SLC43A1: variants seen among roughly 807,000 people sequenced by gnomAD.
SLC43A1 encodes large neutral amino acids transporter small subunit 3.
In SLC43A1, 31 loss-of-function variants were observed where a neutral mutation model predicts 59.5. That is an observed-to-expected ratio of 0.52 (90% CI 0.39 to 0.70). SLC43A1 has a LOEUF of 0.70. Ranked by LOEUF, SLC43A1 falls within the 30% of genes least tolerant of loss-of-function variation. SLC43A1 has a pLI of 0.00. For synonymous variants in SLC43A1, 259 were observed against 290.9 expected (o/e 0.89, Z 1.12); for missense variants, 598 against 717.8 (o/e 0.83, Z 1.91).
In SLC43A1 at chr11:57,514,220, G is replaced by T. The variant is rs1944624290; in HGVS notation, c.-13-96C>A. The T allele has an allele frequency of 2.2e-6, 3 of 1,386,850 alleles. No homozygotes were observed. The highest frequency in any genetic ancestry group is 1.9e-6 in the Non-Finnish European group (2 of 1,053,590). The allele number at this position is 1,386,850 out of a possible 1,614,324, so 85.9% of individuals were successfully genotyped here. A position where few individuals can be genotyped will look rare whatever the true frequency, so the allele number is the denominator to read the frequency against. The stretch of plus-strand genomic sequence containing the variant: ...CACCCGAGACCTCTCGGGCCAGCCC[G>T]CGAGGAGCCCCTCATGGAGGCCCCA... On this transcript the variant is annotated intron_variant, in intron 1 of 14. Coordinates refer to ENST00000278426, the MANE Select transcript of SLC43A1 (RefSeq NM_003627.6). The surrounding 1 kb of genome is among the most constrained non-coding windows in gnomAD (Gnocchi z 5.5).
At position 57,487,088 on chromosome 11, in the gene SLC43A1, C is replaced by T. The variant is rs1394432237; in HGVS notation, c.1533+7G>A. 6.2e-7 allele frequency: 1 copy of T among 1,613,706 alleles called. No homozygotes were observed. Reference sequence around the variant, plus strand: ...CCTGCTCCCCCCACACCAACCCTCGCTCTCACCCAGAAGGGCTCTCCTTTC... The same window carrying T: ...CCTGCTCCCCCCACACCAACCCTCGTTCTCACCCAGAAGGGCTCTCCTTTC... On this transcript the variant is annotated splice_region_variant and intron_variant, in intron 14 of 14. Transcript: ENST00000278426.
chr11:57,513,923 T>C (rs1944614266), intron 2 of SLC43A1, 35 bp downstream of exon 2: 19 of 1,162,090 alleles, frequency 1.6e-5, no homozygotes, highest in Admixed American at 2.0e-5. Flanking sequence ...TTGCCATCCC[T>C]CCCCCCAGCC....
chr11:57,513,832 C>T (rs1030655201), intron 2 of SLC43A1, 126 bp downstream of exon 2: 1 of 743,290 alleles, frequency 1.3e-6, no homozygotes. Context: ...TTGAAGAGGT[C>T]GAGAAGTGAG....
intron 2 of SLC43A1, among the ~76,000 whole-genome samples, chr11:57,507,935 A>G (rs1347801468): frequency 6.6e-6 from 1 of 152,226 alleles, no homozygotes; most frequent in African/African-American, 2.4e-5. Flanking sequence ...GGTATGGATT[A>G]CTAGTCCCAT....
rs560037179 is a variant in SLC43A1 at position 57,513,449 on chromosome 11, A to T, written c.154+509T>A. Among the ~76,000 whole-genome samples, 11 of 152,344 alleles carry T rather than the reference A, an allele frequency of 7.2e-5. No individual in the cohort carries two copies. The East Asian group carries it at 2.1e-3, about 29-fold the overall frequency. On this transcript the variant is annotated intron_variant, in intron 2 of 14. Transcript: ENST00000278426. Reference sequence around the variant, plus strand: ...CACTCCCAGCTTCGGGGCCACTCACACAAGGTGATTGAAGTGGAAACCAGA... The same window carrying T: ...CACTCCCAGCTTCGGGGCCACTCACTCAAGGTGATTGAAGTGGAAACCAGA...
intron 2 of SLC43A1, among the ~76,000 whole-genome samples, chr11:57,504,146 G>A (rs952866623): frequency 3.3e-5 from 5 of 152,138 alleles, no homozygotes; most frequent in Admixed American, 1.3e-4. Flanking sequence ...GCAGTGAGCC[G>A]AGATCGCGCC....
intron 2 of SLC43A1, among the ~76,000 whole-genome samples, chr11:57,503,319 A>C (rs1944315665): frequency 2.1e-5 from 1 of 47,436 alleles, no homozygotes; most frequent in African/African-American, 7.3e-5. Flanking sequence ...TTTTTTTTTG[A>C]GACAGGGTCT....
chr11:57,497,122 T>A (rs1057183271), intron 6 of SLC43A1, among the ~76,000 whole-genome samples: 1 of 152,180 alleles, frequency 6.6e-6, no homozygotes, highest in Admixed American at 6.5e-5. Context: ...AAAAGTACCT[T>A]CTTTAGTACT....
Position 57,514,032 on chromosome 11 carries a change from GAGA to G in SLC43A1, c.77_79del (p.Phe26del), listed in dbSNP as rs776008814. ...GGAGCCCCAGCCCAGGAGTACAGCA[GAGA>G]AGAAGAGGTTCTCCAGCACAGCCGT... is the stretch of plus-strand genomic sequence containing the variant. On this transcript the variant is annotated inframe_deletion, in exon 2 of 15. Coordinates refer to ENST00000278426, the MANE Select transcript of SLC43A1 (RefSeq NM_003627.6). The surrounding 1 kb of genome is among the most constrained non-coding windows in gnomAD (Gnocchi z 5.5). 2.1e-4 allele frequency: 340 copies of G among 1,605,800 alleles called. No individual in the cohort carries two copies. Among genetic ancestry groups the G allele is most frequent in the Admixed American group, 1.6e-3 (94 of 59,268 alleles).
chr11:57,507,639 T>G (rs1410064614), intron 2 of SLC43A1, among the ~76,000 whole-genome samples: 1 of 152,128 alleles, frequency 6.6e-6, no homozygotes, highest in Non-Finnish European at 1.5e-5. Flanking sequence ...CAAGACCCTA[T>G]TTCTAAAATA....
intron 13 of SLC43A1, among the ~76,000 whole-genome samples, chr11:57,488,051 A>G (rs2135144981): frequency 6.6e-6 from 1 of 152,264 alleles, no homozygotes; most frequent in South Asian, 2.1e-4. Context: ...TCTGAGACAG[A>G]TGAGACAGGA....
Position 57,485,241 on chromosome 11 carries a change from A to T in SLC43A1, c.1535T>A (p.Val512Glu). Residue 512 changes from valine (V) to glutamate (E), a missense_variant and splice_region_variant, in exon 15 of 15, where the codon GTG (valine) becomes GAG (glutamate). By Grantham distance (121) the Val-to-Glu change is moderately radical. Coordinates refer to ENST00000278426, the MANE Select transcript of SLC43A1 (RefSeq NM_003627.6). ...TGAGAATAGCAGGAGGCCCAGATTC[A>T]CCTTTAGGGCAAGGAGAGAGAAACA... ...VGPLKGEPFW[V>E]NLGLLLFSLL... is the part of the protein sequence containing the mutation. The T allele has an allele frequency of 6.2e-7, 1 of 1,611,350 alleles. No homozygotes were observed. Among genetic ancestry groups the T allele is most frequent in the Non-Finnish European group, 8.5e-7 (1 of 1,178,622 alleles).
chr11:57,494,328 TC>T (rs1944015815), intron 7 of SLC43A1, 157 bp from the exon 8 acceptor site: 1 of 664,674 alleles, frequency 1.5e-6, no homozygotes, highest in South Asian at 2.1e-5. Context: ...TTTCTGTTGC[TC>T]AGAGCTTGGC....
intron 5 of SLC43A1, 60 bp downstream of exon 5, chr11:57,500,719 C>CA (rs1376322530): frequency 2.0e-6 from 3 of 1,484,104 alleles, no homozygotes; most frequent in Non-Finnish European, 2.8e-6. Flanking sequence ...TCACCCCACT[C>CA]ACTCTGCCCT....
At chr11:57,500,710 C>T in intron 5 of SLC43A1, 69 bp downstream of exon 5, 2 of 1,391,788 alleles carry the variant, frequency 1.4e-6, no homozygotes, top group South Asian at 2.3e-5. Flanking sequence ...ATACTGCCCT[C>T]ACCCCACTCA....
intron 2 of SLC43A1, among the ~76,000 whole-genome samples, chr11:57,508,123 C>A (rs1319620292): frequency 6.6e-6 from 1 of 152,132 alleles, no homozygotes. Context: ...ACAAATTAGC[C>A]GGGCATGGTG....
intron 2 of SLC43A1, among the ~76,000 whole-genome samples, 179 bp downstream of exon 2, chr11:57,513,779 A>C (rs377437157): frequency 5.2e-4 from 79 of 152,258 alleles, no homozygotes; most frequent in African/African-American, 1.8e-3. Flanking sequence ...GGATTAGATA[A>C]ATGAAACAGT....
intron 11 of SLC43A1, 60 bp from the exon 12 acceptor site, chr11:57,489,452 T>C: frequency 6.3e-7 from 1 of 1,591,742 alleles, no homozygotes; most frequent in East Asian, 2.2e-5. Flanking sequence ...CCCTGGTTCT[T>C]GGCCTGGCCC....
intron 2 of SLC43A1, among the ~76,000 whole-genome samples, chr11:57,506,781 T>A (rs1944404915): frequency 6.6e-6 from 1 of 152,238 alleles, no homozygotes; most frequent in South Asian, 2.1e-4. Flanking sequence ...AAAATGGGGT[T>A]AATAAAAATA....
Sources: gnomAD v4.1 joint callset for allele counts (sites outside exome capture counted in the v4.1 genomes callset) on GRCh38, gnomAD v4.1.1 for gene constraint, Gnocchi (gnomAD v3.1) non-coding constraint, MANE v1.5 for transcripts, NCBI Gene and HGNC (gene_info 2026-07-23, HGNC 2026-07-21) for gene names.